RBFOX1: variants seen among roughly 807,000 people sequenced by gnomAD.
RBFOX1 encodes RNA binding protein fox-1 homolog 1.
Under a neutral mutation model 57.7 loss-of-function variants are expected in RBFOX1, and 8 were observed. The ratio of observed to expected loss-of-function variants is 0.14; its 90% CI spans 0.08 to 0.25. The LOEUF is 0.25. RBFOX1 is among the 10% of genes least tolerant of loss of function. The pLI, the probability that RBFOX1 is intolerant of heterozygous loss-of-function variation, is 1.00. For synonymous variants in RBFOX1, 326 were observed against 222.4 expected (o/e 1.47, Z -4.15); for missense variants, 611 against 548.5 (o/e 1.11, Z -1.14).
chr16:6,808,172 G>T lies in RBFOX1; in HGVS notation c.-16+153522G>T, dbSNP rs547468454. Among the ~76,000 whole-genome samples, 14 of 143,402 alleles carry T rather than the reference G, an allele frequency of 9.8e-5. No individual in the cohort carries two copies. The East Asian group carries it at 2.0e-3, about 20-fold the overall frequency. The allele number at this position is 143,402 out of a possible 152,430, so 94.1% of individuals were successfully genotyped here. On this transcript the variant is annotated intron_variant, in intron 3 of 15. Coordinates refer to ENST00000550418, the MANE Select transcript of RBFOX1 (RefSeq NM_018723.4). ...TTATACCTTATATATGTGTGTGTGT[G>T]TGTGTGTATATATATATATATATAT...
intron 4 of RBFOX1, among the ~76,000 whole-genome samples, chr16:7,263,059 C>G (rs2094982547): frequency 6.6e-6 from 1 of 152,198 alleles, no homozygotes; most frequent in Non-Finnish European, 1.5e-5. Context: ...CTCCTCTAGT[C>G]TCTTAGAGTC....
chr16:7,432,057 G>T (rs1243322166), intron 4 of RBFOX1, among the ~76,000 whole-genome samples: 2 of 152,238 alleles, frequency 1.3e-5, no homozygotes, highest in South Asian at 2.1e-4. Context: ...GTGGGAAGGA[G>T]GGTGTCACTT....
intron 3 of RBFOX1, among the ~76,000 whole-genome samples, chr16:6,861,832 T>G (rs985891602): frequency 2.7e-5 from 4 of 149,798 alleles, no homozygotes; most frequent in Middle Eastern, 3.4e-3. Context: ...GGTTTTTTTT[T>G]TTTTTTTTTT....
chr16:6,642,113 A>G (rs962176319), intron 2 of RBFOX1, among the ~76,000 whole-genome samples: 28 of 152,158 alleles, frequency 1.8e-4, no homozygotes, highest in African/African-American at 6.8e-4. Flanking sequence ...TCTGAGAGAA[A>G]TGAAAAGAGA....
chr16:7,273,115 T>C (rs5014747), intron 4 of RBFOX1, among the ~76,000 whole-genome samples: 30,520 of 77,436 alleles, frequency 0.39, 8,652 homozygotes, highest in African/African-American at 0.71. Flanking sequence ...TCCTTCCCTC[T>C]CTCCCTCCCT....
chr16:5,471,566 C>A (rs972157168), intron 2 of RBFOX1, among the ~76,000 whole-genome samples: 1 of 152,040 alleles, frequency 6.6e-6, no homozygotes, highest in Non-Finnish European at 1.5e-5. Flanking sequence ...CATGTAGGTG[C>A]CCACCCCCGG....
rs114222919 is a variant in RBFOX1 at position 5,304,432 on chromosome 16, G to T, written c.219+64327G>T. 4.3e-3 allele frequency among the ~76,000 whole-genome samples: 656 copies of T among 152,248 alleles called. 1 individual carries two copies. Among genetic ancestry groups the T allele is most frequent in the African/African-American group, 0.015 (607 of 41,546 alleles). On this transcript the variant is annotated intron_variant, in intron 1 of 2. Coordinates refer to the RBFOX1 transcript ENST00000585867. ...TTCCTCCTACTTTTTGAACCTGATTGGGGCAACTGCGTTCTTCTGACCTGT... is the reference window on the plus strand; with the variant it reads ...TTCCTCCTACTTTTTGAACCTGATTTGGGCAACTGCGTTCTTCTGACCTGT...
At chr16:6,892,339 G>C (rs1256018135) in intron 3 of RBFOX1, among the ~76,000 whole-genome samples, 2 of 152,040 alleles carry the variant, frequency 1.3e-5, no homozygotes, top group Non-Finnish European at 2.9e-5. Flanking sequence ...TTGAAAAGGG[G>C]GTTATTTTAA....
intron 3 of RBFOX1, among the ~76,000 whole-genome samples, chr16:5,737,210 G>A (rs2052608479): frequency 6.6e-6 from 1 of 152,092 alleles, no homozygotes; most frequent in Non-Finnish European, 1.5e-5. Flanking sequence ...TGGGCTGGGT[G>A]CAGTTGCTCA....
intron 3 of RBFOX1, among the ~76,000 whole-genome samples, chr16:5,758,390 C>G (rs2053474029): frequency 6.6e-6 from 1 of 152,122 alleles, no homozygotes. Context: ...AGCTTGGTCC[C>G]TAGGTTGGGC....
At chr16:6,786,615 T>C (rs1047712307) in intron 3 of RBFOX1, among the ~76,000 whole-genome samples, 1 of 152,138 alleles carries the variant, frequency 6.6e-6, no homozygotes, top group Non-Finnish European at 1.5e-5. Flanking sequence ...CTGATCCTTA[T>C]GAAGGGGATG....
At chr16:6,026,513 CTT>C (rs2152375647) in intron 1 of RBFOX1, among the ~76,000 whole-genome samples, 1 of 152,318 alleles carries the variant, frequency 6.6e-6, no homozygotes, top group East Asian at 1.9e-4. Context: ...CACATGGCCT[CTT>C]TTGCTGCCTT....
chr16:6,557,124 T>C (rs2097114374), intron 2 of RBFOX1, among the ~76,000 whole-genome samples: 1 of 141,102 alleles, frequency 7.1e-6, no homozygotes, highest in Non-Finnish European at 1.6e-5. Flanking sequence ...CATATATACA[T>C]ACATATACAT....
At chr16:6,639,812 G>C (rs571179750) in intron 2 of RBFOX1, among the ~76,000 whole-genome samples, 27 of 152,288 alleles carry the variant, frequency 1.8e-4, no homozygotes, top group Middle Eastern at 3.4e-3. Flanking sequence ...CTGGGAGGCA[G>C]AGCTTGCAGT....
At chr16:5,358,954 C>T (rs1053959306) in intron 1 of RBFOX1, among the ~76,000 whole-genome samples, 1 of 152,228 alleles carries the variant, frequency 6.6e-6, no homozygotes, top group African/African-American at 2.4e-5. Flanking sequence ...ACCTCTCCCT[C>T]CACCCTCCAT....
At chr16:6,072,392 C>G (rs12600109) in intron 1 of RBFOX1, among the ~76,000 whole-genome samples, 122,570 of 152,152 alleles carry the variant, frequency 0.81, 51,149 homozygotes, top group East Asian at 0.94. Flanking sequence ...GGCTATTGTG[C>G]TTAATGCTGC....
At chr16:6,672,483 A>G (rs539535912) in intron 3 of RBFOX1, among the ~76,000 whole-genome samples, 2 of 152,016 alleles carry the variant, frequency 1.3e-5, no homozygotes, top group East Asian at 3.9e-4. Context: ...AAGAAAAAAG[A>G]AAAAGGGAGG....
intron 1 of RBFOX1, among the ~76,000 whole-genome samples, chr16:6,085,434 A>G (rs1053921477): frequency 2.0e-5 from 3 of 151,922 alleles, no homozygotes; most frequent in Non-Finnish European, 4.4e-5. Flanking sequence ...CGCTATGCCC[A>G]GCTAATTTTG....
chr16:6,622,792 G>T (rs1251021744), intron 2 of RBFOX1, among the ~76,000 whole-genome samples: 1 of 152,060 alleles, frequency 6.6e-6, no homozygotes, highest in Non-Finnish European at 1.5e-5. Context: ...TAATACTGAA[G>T]CCACTGATGA....
Sources: allele counts gnomAD v4.1 joint callset (sites outside exome capture counted in the v4.1 genomes callset), GRCh38; gene constraint gnomAD v4.1.1; transcripts MANE v1.5; gene names NCBI Gene and HGNC (gene_info 2026-07-23, HGNC 2026-07-21).